Variants in TMEM33 observed in about 807,000 individuals in gnomAD.
The protein encoded by TMEM33 is transmembrane protein 33.
Under a neutral mutation model 29.7 loss-of-function variants are expected in TMEM33, and 16 were observed. The ratio of observed to expected loss-of-function variants is 0.54; its 90% CI spans 0.36 to 0.82. The LOEUF is 0.82. Among genes scored for constraint, TMEM33 ranks in the 40% least tolerant of loss-of-function variants. The pLI is 0.00. For synonymous variants in TMEM33, 112 were observed against 109.4 expected, an observed-to-expected ratio of 1.02 and a Z score of -0.15; for missense variants, 252 against 295.3, an observed-to-expected ratio of 0.85 and a Z score of 1.08.
At chr4:41,951,093 C>T (rs1465591156) in intron 6 of TMEM33, among the ~76,000 whole-genome samples, 2 of 152,162 alleles carry the variant, frequency 1.3e-5, no homozygotes, top group Non-Finnish European at 2.9e-5. Context: ...TTGAGACCAT[C>T]TCTATTCACA....
intron 6 of TMEM33, 178 bp from the exon 7 acceptor site, chr4:41,953,890 CAG>C (rs1178002295): frequency 1.4e-6 from 1 of 691,252 alleles, no homozygotes; most frequent in Non-Finnish European, 2.6e-6. Context: ...AAGTGTGACG[CAG>C]AGACATGAAG....
chr4:41,949,432 G>A lies in TMEM33; in HGVS notation c.614+47G>A, dbSNP rs1011520194. 3.5e-6 allele frequency: 5 copies of A among 1,441,422 alleles called. No homozygotes were observed. In the African/African-American group the frequency reaches 7.1e-5, roughly 20 times the overall value. 89.3% of individuals were successfully genotyped at this position (1,441,422 alleles called of 1,614,324 possible). On this transcript the variant is annotated intron_variant, in intron 6 of 6. Transcript: ENST00000504986. The stretch of plus-strand genomic sequence containing the variant: ...GCATGTTTTATTTGTTGAGAGTATT[G>A]TGAATATATAGTATTCGCAATTCTT...
At position 41,943,821 on chromosome 4, in the gene TMEM33, A is replaced by G. The variant is rs1365302970; in HGVS notation, c.396+7A>G. ...TACGAAAAAGGTCCTTGACGTAAGT[A>G]AAACTGCTCTTTGTCTGACTTCTGA... On this transcript the variant is annotated splice_region_variant and intron_variant, in intron 4 of 6. Coordinates refer to ENST00000504986, the MANE Select transcript of TMEM33 (RefSeq NM_018126.3). 1 of 1,612,694 alleles carries G rather than the reference A, an allele frequency of 6.2e-7. No homozygotes were observed. Among genetic ancestry groups the G allele is most frequent in the African/African-American group, 1.3e-5 (1 of 74,902 alleles).
Position 41,956,090 on chromosome 4 carries a change from G to C in TMEM33, c.*1891G>C, listed in dbSNP as rs1713252043. The C allele has an allele frequency of 6.6e-6, 1 of 152,156 alleles. No homozygotes were observed. The highest frequency in any genetic ancestry group is 1.5e-5 in the Non-Finnish European group (1 of 68,108). The allele number at this position is 152,156 out of a possible 1,614,324, so 9.4% of individuals were successfully genotyped here. On this transcript the variant is annotated 3_prime_UTR_variant, in exon 7 of 7. Coordinates refer to ENST00000504986, the MANE Select transcript of TMEM33 (RefSeq NM_018126.3). Reference sequence around the variant, plus strand: ...CCTCCTGGGTTCAAGTGCTTCTCCTGCCTCAGCCTCCCGAGTAGCTGGGAC... The same window carrying C: ...CCTCCTGGGTTCAAGTGCTTCTCCTCCCTCAGCCTCCCGAGTAGCTGGGAC...
chr4:41,942,533 G>T (rs1208297097), intron 3 of TMEM33, among the ~76,000 whole-genome samples: 2 of 152,126 alleles, frequency 1.3e-5, no homozygotes, highest in Non-Finnish European at 2.9e-5. Flanking sequence ...TAGGCCTTCA[G>T]TTAGTATAGA....
chr4:41,948,162 C>T (rs1379038572), intron 5 of TMEM33, among the ~76,000 whole-genome samples: 1 of 152,086 alleles, frequency 6.6e-6, no homozygotes, highest in Non-Finnish European at 1.5e-5. Flanking sequence ...GAATGATAAA[C>T]CATCTCTGTC....
intron 6 of TMEM33, among the ~76,000 whole-genome samples, chr4:41,952,551 T>G (rs1713086047): frequency 6.6e-6 from 1 of 152,200 alleles, no homozygotes; most frequent in Non-Finnish European, 1.5e-5. Flanking sequence ...AATAATACTT[T>G]GTAGGCAGTG....
At position 41,958,000 on chromosome 4, in the gene TMEM33, G is replaced by A. The variant is rs1713335478; in HGVS notation, c.*3801G>A. ...ATTCAAGATTGAAAAAAAAAATTAA[G>A]CATTTTTTGTTTGTTTGCTTGTTTG... On this transcript the variant is annotated 3_prime_UTR_variant, in exon 7 of 7. Transcript: ENST00000504986. The A allele has an allele frequency of 6.5e-6, 1 of 152,870 alleles. No individual in the cohort carries two copies. The highest frequency in any genetic ancestry group is 2.4e-5 in the African/African-American group (1 of 41,394). The allele number at this position is 152,870 out of a possible 1,614,324, so 9.5% of individuals were successfully genotyped here. A position where few individuals can be genotyped will look rare whatever the true frequency, so the allele number is the denominator to read the frequency against.
chr4:41,935,935 A>G (rs984484972), intron 1 of TMEM33, among the ~76,000 whole-genome samples: 1 of 152,214 alleles, frequency 6.6e-6, no homozygotes, highest in Non-Finnish European at 1.5e-5. Flanking sequence ...CCTAGTTTAT[A>G]CAATCGTATA....
upstream of TMEM33, chr4:41,935,201 A>C (rs997835551): frequency 1.8e-6 from 1 of 558,792 alleles, no homozygotes; most frequent in African/African-American, 1.9e-5. Context: ...CTTCACCCCG[A>C]AGCTCCACCT....
intron 1 of TMEM33, among the ~76,000 whole-genome samples, chr4:41,937,862 G>A (rs1712319424): frequency 6.6e-6 from 1 of 152,040 alleles, no homozygotes; most frequent in Admixed American, 6.6e-5. Flanking sequence ...AAAAAAATGG[G>A]GGAAGAAAAT....
chr4:41,941,790 G>T (rs187874502), intron 3 of TMEM33, among the ~76,000 whole-genome samples: 1 of 152,148 alleles, frequency 6.6e-6, no homozygotes, highest in African/African-American at 2.4e-5. Context: ...ACAGATTTGC[G>T]TTCTGATCCT....
At chr4:41,949,979 C>G (rs1033466134) in intron 6 of TMEM33, among the ~76,000 whole-genome samples, 1 of 152,226 alleles carries the variant, frequency 6.6e-6, no homozygotes, top group East Asian at 1.9e-4. Context: ...TTCTGAATGG[C>G]TAATTGCTGG....
At chr4:41,943,547 A>G (rs1577650198) in intron 3 of TMEM33, among the ~76,000 whole-genome samples, 200 bp from the exon 4 acceptor site, 1 of 152,142 alleles carries the variant, frequency 6.6e-6, no homozygotes, top group East Asian at 1.9e-4. Context: ...AGAACTGTGA[A>G]TTTTAGAAAA....
At chr4:41,946,732 A>AT (rs1045217468) in intron 5 of TMEM33, among the ~76,000 whole-genome samples, 12 of 152,082 alleles carry the variant, frequency 7.9e-5, no homozygotes, top group African/African-American at 2.9e-4. Flanking sequence ...ACATTCTAAT[A>AT]TTTTTTCCAT....
rs572226095 is a variant in TMEM33, at chr4:41,940,149, C to T, written c.328+766C>T. On this transcript the variant is annotated intron_variant, in intron 3 of 6. Transcript: ENST00000504986. ...CTGGGATTATAGGCGTGAGCCATCA[C>T]GCCCAGCCAGGTCAAACATTTTTAA... is the stretch of plus-strand genomic sequence containing the variant. 2.7e-5 allele frequency among the ~76,000 whole-genome samples: 4 copies of T among 148,626 alleles called. No individual in the cohort carries two copies. In the South Asian group the frequency reaches 6.5e-4, roughly 24 times the overall value.
chr4:41,954,475 A>G lies in TMEM33; in HGVS notation c.*276A>G, dbSNP rs527757902. The G allele has an allele frequency of 2.3e-4, 49 of 217,472 alleles. No individual in the cohort carries two copies. In the East Asian group the frequency reaches 4.3e-3, roughly 19 times the overall value. 13.5% of individuals were successfully genotyped at this position (217,472 alleles called of 1,614,324 possible). ...TTTTTAAAAAGATGCTGTTGTGCCTATATCATGAAGTACATTAATTTCTCA... is the reference window on the plus strand; with the variant it reads ...TTTTTAAAAAGATGCTGTTGTGCCTGTATCATGAAGTACATTAATTTCTCA... On this transcript the variant is annotated 3_prime_UTR_variant, in exon 7 of 7. Coordinates refer to ENST00000504986, the MANE Select transcript of TMEM33 (RefSeq NM_018126.3).
At chr4:41,941,341 A>G (rs1712530766) in intron 3 of TMEM33, among the ~76,000 whole-genome samples, 1 of 152,216 alleles carries the variant, frequency 6.6e-6, no homozygotes, top group African/African-American at 2.4e-5. Flanking sequence ...TTAAAATTCT[A>G]GCCTTTCTGA....
chr4:41,941,985 T>G (rs1712562076), intron 3 of TMEM33, among the ~76,000 whole-genome samples: 1 of 152,216 alleles, frequency 6.6e-6, no homozygotes, highest in South Asian at 2.1e-4. Context: ...ATTGGCAGTT[T>G]CTAGCTTTGA....
Sources: allele counts gnomAD v4.1 joint callset (sites outside exome capture counted in the v4.1 genomes callset), GRCh38; gene constraint gnomAD v4.1.1; transcripts MANE v1.5; gene names NCBI Gene and HGNC (gene_info 2026-07-23, HGNC 2026-07-21).